CDH13: variants seen among roughly 807,000 people sequenced by gnomAD.
CDH13 encodes cadherin 13.
CDH13 carries 24 observed loss-of-function variants against 63.8 expected under a neutral mutation model. The observed-to-expected ratio is 0.38, with a 90% CI of 0.27 to 0.53. CDH13 has a LOEUF of 0.53. Among genes scored for constraint, CDH13 ranks in the 20% least tolerant of loss-of-function variants. The pLI, the probability that CDH13 is intolerant of heterozygous loss-of-function variation, is 0.85. For synonymous variants in CDH13, 503 were observed against 355.3 expected, an observed-to-expected ratio of 1.42 and a Z score of -4.67; for missense variants, 1,049 against 903.1, an observed-to-expected ratio of 1.16 and a Z score of -2.07.
intron 3 of CDH13, among the ~76,000 whole-genome samples, chr16:83,077,491 C>T (rs1231182272): frequency 6.6e-6 from 1 of 151,990 alleles, no homozygotes; most frequent in African/African-American, 2.4e-5. Flanking sequence ...TCACACCTGG[C>T]CAGCATAAGA....
At position 82,699,757 on chromosome 16, in the gene CDH13, C is replaced by T. The variant is rs867722224; in HGVS notation, c.45+72620C>T. Among the ~76,000 whole-genome samples, 53 of 152,268 alleles carry T rather than the reference C, an allele frequency of 3.5e-4. 1 individual carries two copies. The Middle Eastern group carries it at 0.01, about 29-fold the overall frequency. On this transcript the variant is annotated intron_variant, in intron 1 of 13. Coordinates refer to ENST00000567109, the MANE Select transcript of CDH13 (RefSeq NM_001257.5). ...AATCCAAACAGTGCCACAGAACAAACGTAACAGGATATTAAGATAATCTCT... is the reference window on the plus strand; with the variant it reads ...AATCCAAACAGTGCCACAGAACAAATGTAACAGGATATTAAGATAATCTCT...
At chr16:83,704,829 A>G (rs1435914647) in intron 10 of CDH13, among the ~76,000 whole-genome samples, 2 of 152,238 alleles carry the variant, frequency 1.3e-5, no homozygotes. Context: ...CAATTTCAGG[A>G]AAATAGTTTC....
intron 1 of CDH13, among the ~76,000 whole-genome samples, chr16:82,725,143 G>A (rs181783740): frequency 5.9e-5 from 9 of 152,158 alleles, no homozygotes; most frequent in Non-Finnish European, 1.3e-4. Flanking sequence ...CATGGTGATG[G>A]TGATGATGAC....
At position 83,079,706 on chromosome 16, in the gene CDH13, A is replaced by T. The variant is rs139294384; in HGVS notation, c.367-45679A>T. ...TGGAGAACAAATGGCATGTACGCAA[A>T]TGTGTTTCTTCCTTTTTATAAATAA... On this transcript the variant is annotated intron_variant, in intron 3 of 13. Coordinates refer to ENST00000567109, the MANE Select transcript of CDH13 (RefSeq NM_001257.5). Among the ~76,000 whole-genome samples, 591 of 152,304 alleles carry T rather than the reference A, an allele frequency of 3.9e-3. 4 individuals are homozygous for T. The highest frequency in any genetic ancestry group is 6.8e-3 in the Middle Eastern group (2 of 294).
intron 2 of CDH13, among the ~76,000 whole-genome samples, chr16:82,907,774 C>G (rs1349898903): frequency 2.0e-5 from 3 of 152,152 alleles, no homozygotes; most frequent in Non-Finnish European, 4.4e-5. Flanking sequence ...CCTGCATAGC[C>G]AGCGCTGTGC....
chr16:82,824,471 C>T (rs1195869025), intron 1 of CDH13: 2 of 152,124 alleles, frequency 1.3e-5, no homozygotes, highest in African/African-American at 4.8e-5. Flanking sequence ...ATTAATATAT[C>T]TAGGCAGTAA....
chr16:82,671,880 C>T (rs8056014), intron 1 of CDH13, among the ~76,000 whole-genome samples: 1 of 151,980 alleles, frequency 6.6e-6, no homozygotes, highest in Non-Finnish European at 1.5e-5. Flanking sequence ...GAAAGTTGCG[C>T]ACCTGAGAAG....
intron 5 of CDH13, among the ~76,000 whole-genome samples, chr16:83,284,571 A>C (rs2089262139): frequency 6.6e-6 from 1 of 152,200 alleles, no homozygotes; most frequent in African/African-American, 2.4e-5. Context: ...GAGGAAACTA[A>C]CATTTCCTAA....
intron 7 of CDH13, among the ~76,000 whole-genome samples, chr16:83,571,289 G>A (rs1289572136): frequency 6.6e-6 from 1 of 152,112 alleles, no homozygotes; most frequent in African/African-American, 2.4e-5. Flanking sequence ...ATTGTCACAT[G>A]AGGGACAGTG....
intron 6 of CDH13, among the ~76,000 whole-genome samples, chr16:83,432,116 G>C (rs1370682369): frequency 6.6e-6 from 1 of 152,184 alleles, no homozygotes; most frequent in Non-Finnish European, 1.5e-5. Context: ...AGGCAGGGTT[G>C]CTGTTGAGAG....
At chr16:83,585,923 T>G (rs577327318) in intron 7 of CDH13, among the ~76,000 whole-genome samples, 1 of 149,464 alleles carries the variant, frequency 6.7e-6, no homozygotes, top group African/African-American at 2.5e-5. Flanking sequence ...ACCCAAGAGG[T>G]TGGGTTTCTA....
intron 7 of CDH13, among the ~76,000 whole-genome samples, chr16:83,600,883 CA>C (rs1358868299): frequency 2.0e-5 from 3 of 152,012 alleles, no homozygotes. Flanking sequence ...TCTGAGATTC[CA>C]GTATAATTAA....
intron 1 of CDH13, chr16:82,825,455 A>C (rs1243773834): frequency 6.6e-6 from 1 of 152,094 alleles, no homozygotes; most frequent in Non-Finnish European, 1.5e-5. Flanking sequence ...TGAAACAAGA[A>C]CTTCTCATTA....
chr16:83,446,036 G>A (rs1390609284), intron 6 of CDH13, among the ~76,000 whole-genome samples: 2 of 152,042 alleles, frequency 1.3e-5, no homozygotes, highest in Non-Finnish European at 2.9e-5. Context: ...CTGTGGCTCA[G>A]GTCTGTAATC....
At chr16:83,577,657 G>T (rs1433351115) in intron 7 of CDH13, among the ~76,000 whole-genome samples, 1 of 152,186 alleles carries the variant, frequency 6.6e-6, no homozygotes, top group Non-Finnish European at 1.5e-5. Flanking sequence ...GAGGGCTGAG[G>T]AGGAGAAAGG....
At chr16:82,850,854 G>T (rs1046634554) in intron 1 of CDH13, among the ~76,000 whole-genome samples, 8 of 152,174 alleles carry the variant, frequency 5.3e-5, no homozygotes, top group Admixed American at 5.2e-4. Context: ...TAGTAAAAAC[G>T]TATTTTTAAA....
intron 2 of CDH13, among the ~76,000 whole-genome samples, chr16:82,917,408 A>G (rs1232947801): frequency 6.6e-6 from 1 of 152,172 alleles, no homozygotes; most frequent in South Asian, 2.1e-4. Context: ...CAGGGCAGAA[A>G]TGAAAGAAAG....
rs142568660 is a variant in CDH13, at chr16:83,562,430, A to G, written c.961-40024A>G. On this transcript the variant is annotated intron_variant, in intron 7 of 13. Coordinates refer to ENST00000567109, the MANE Select transcript of CDH13 (RefSeq NM_001257.5). ...CAGTGAACAAGAGGCAATTGTCTCA[A>G]TCGGATTCAGGAACAACACTGGGTT... Among the ~76,000 whole-genome samples, 187 of 152,362 alleles carry G rather than the reference A, an allele frequency of 1.2e-3. 1 individual carries two copies. The highest frequency in any genetic ancestry group is 1.7e-3 in the African/African-American group (69 of 41,596).
At chr16:83,669,434 T>C (rs1450525724) in intron 8 of CDH13, among the ~76,000 whole-genome samples, 2 of 152,146 alleles carry the variant, frequency 1.3e-5, no homozygotes, top group Admixed American at 6.6e-5. Flanking sequence ...AGATAGAAGA[T>C]AGGTAGACAT....
Sources: allele counts gnomAD v4.1 joint callset (sites outside exome capture counted in the v4.1 genomes callset), GRCh38; gene constraint gnomAD v4.1.1; transcripts MANE v1.5; gene names NCBI Gene and HGNC (gene_info 2026-07-23, HGNC 2026-07-21).